The following RAVER2 variants were observed in gnomAD, a reference collection of about 807,000 sequenced individuals.
The protein encoded by RAVER2 is ribonucleoprotein, PTB binding 2, also known as ribonucleoprotein PTB-binding 2.
A neutral mutation model predicts 78.1 loss-of-function variants in RAVER2; 46 were observed. The observed-to-expected ratio is 0.59, with a 90% CI of 0.46 to 0.75. The LOEUF is 0.75. RAVER2 is among the 30% of genes least tolerant of loss of function. The pLI is 0.00. For missense variants in RAVER2, 793 were observed against 837.5 expected, an observed-to-expected ratio of 0.95 and a Z score of 0.66; for synonymous variants, 311 against 313.3, an observed-to-expected ratio of 0.99 and a Z score of 0.08.
At chr1:64,811,586 T>A (rs567120911) in intron 9 of RAVER2, among the ~76,000 whole-genome samples, 1 of 152,244 alleles carries the variant, frequency 6.6e-6, no homozygotes, top group Admixed American at 6.5e-5. Context: ...TGATGTAATT[T>A]ATGGTATTGA....
At chr1:64,825,068 G>A (rs549420204) in intron 11 of RAVER2, among the ~76,000 whole-genome samples, 5 of 151,586 alleles carry the variant, frequency 3.3e-5, no homozygotes, top group African/African-American at 1.2e-4. Context: ...ATATGAATAT[G>A]AACATTGGAA....
chr1:64,817,111 C>A (rs557392016), intron 11 of RAVER2, among the ~76,000 whole-genome samples: 3 of 152,334 alleles, frequency 2.0e-5, no homozygotes, highest in African/African-American at 7.2e-5. Flanking sequence ...ACAGACACTT[C>A]TCAAAAGAAG....
At chr1:64,790,020 A>G (rs1652891992) in intron 5 of RAVER2, among the ~76,000 whole-genome samples, 1 of 152,232 alleles carries the variant, frequency 6.6e-6, no homozygotes, top group Admixed American at 6.5e-5. Context: ...TAATATCAGT[A>G]TACATTAAAT....
At chr1:64,774,099 A>C (rs1036725979) in intron 2 of RAVER2, among the ~76,000 whole-genome samples, 1 of 152,118 alleles carries the variant, frequency 6.6e-6, no homozygotes, top group African/African-American at 2.4e-5. Context: ...AGATGGATAG[A>C]TTGCAAAAAT....
At chr1:64,794,168 T>C (rs1653026648) in intron 5 of RAVER2, among the ~76,000 whole-genome samples, 1 of 151,682 alleles carries the variant, frequency 6.6e-6, no homozygotes, top group Non-Finnish European at 1.5e-5. Flanking sequence ...CCCAGCACTT[T>C]GGGAGGTCGA....
At chr1:64,811,262 G>T (rs572274883) in intron 9 of RAVER2, among the ~76,000 whole-genome samples, 6 of 152,194 alleles carry the variant, frequency 3.9e-5, no homozygotes, top group Admixed American at 1.3e-4. Flanking sequence ...CAAGTGTTGA[G>T]AGGATCCACT....
intron 11 of RAVER2, among the ~76,000 whole-genome samples, chr1:64,822,105 A>C (rs1653903281): frequency 6.6e-6 from 1 of 152,148 alleles, no homozygotes. Flanking sequence ...GGCTAACAAC[A>C]GTGAGACCCC....
intron 11 of RAVER2, among the ~76,000 whole-genome samples, chr1:64,825,575 G>A (rs940716954): frequency 3.3e-5 from 5 of 152,206 alleles, no homozygotes; most frequent in Admixed American, 6.5e-5. Flanking sequence ...ATTCACTGTT[G>A]ACATTAACAT....
intron 11 of RAVER2, among the ~76,000 whole-genome samples, chr1:64,821,123 CATT>C (rs1351330010): frequency 2.0e-5 from 3 of 152,132 alleles, no homozygotes; most frequent in African/African-American, 7.2e-5. Flanking sequence ...GATGGTATCT[CATT>C]GTGGTTTTGA....
At chr1:64,822,269 CAG>C (rs560585112) in intron 11 of RAVER2, among the ~76,000 whole-genome samples, 91 of 152,324 alleles carry the variant, frequency 6.0e-4, no homozygotes, top group African/African-American at 2.1e-3. Flanking sequence ...GCCCAGGTGA[CAG>C]AGCGAGACTC....
chr1:64,809,252 ATT>A (rs200533243), intron 9 of RAVER2, among the ~76,000 whole-genome samples: 1,646 of 152,318 alleles, frequency 0.011, 18 homozygotes, highest in Non-Finnish European at 0.017. Context: ...ACCAAAAGCA[ATT>A]AAGCAGAGCC....
At chr1:64,746,962 G>T (rs776410740) in intron 1 of RAVER2, among the ~76,000 whole-genome samples, 1 of 152,206 alleles carries the variant, frequency 6.6e-6, no homozygotes, top group African/African-American at 2.4e-5. Flanking sequence ...TGTCTTTGTA[G>T]AATGTCAGCT....
Position 64,807,336 on chromosome 1 carries a change from G to A in RAVER2, c.1542G>A (p.Thr514=). Residue 514 remains threonine (T), a synonymous_variant, in exon 9 of 12, where the codon ACG becomes ACA. Coordinates refer to ENST00000294428, the Ensembl canonical transcript of RAVER2. Reference sequence around the variant, plus strand: ...ATACTCAGGAGAAACAGCCAGCCACGGTGGGAATGGCAGAAGGAAATTTCT... The same window carrying A: ...ATACTCAGGAGAAACAGCCAGCCACAGTGGGAATGGCAGAAGGAAATTTCT... The A allele has an allele frequency of 6.2e-6, 10 of 1,614,084 alleles. No homozygotes were observed. In the East Asian group the frequency reaches 8.9e-5, roughly 14 times the overall value.
rs566422156 is a variant in RAVER2 at position 64,781,359 on chromosome 1, T to C, written c.787-21T>C. The C allele has an allele frequency of 2.1e-5, 32 of 1,529,150 alleles. No homozygotes were observed. The African/African-American group carries it at 2.9e-4, about 14-fold the overall frequency. 94.7% of individuals were successfully genotyped at this position (1,529,150 alleles called of 1,614,324 possible). On this transcript the variant is annotated intron_variant, in intron 3 of 11. Coordinates refer to ENST00000294428, the Ensembl canonical transcript of RAVER2. ...CTAAGTAAAGATCGGAATTACTGTTTAATAGAATGTATTGTATCAGCTTGC... is the reference window on the plus strand; with the variant it reads ...CTAAGTAAAGATCGGAATTACTGTTCAATAGAATGTATTGTATCAGCTTGC...
intron 1 of RAVER2, among the ~76,000 whole-genome samples, chr1:64,764,148 A>G (rs1288356563): frequency 2.0e-5 from 3 of 152,210 alleles, no homozygotes; most frequent in African/African-American, 7.2e-5. Context: ...GTCAGATATC[A>G]ATGTTTATAA....
intron 8 of RAVER2, 69 bp downstream of exon 8, chr1:64,805,174 T>C: frequency 7.2e-7 from 1 of 1,390,076 alleles, no homozygotes; most frequent in Non-Finnish European, 1.0e-6. Flanking sequence ...AGTTTACCTA[T>C]GTTCTAATTT....
At chr1:64,774,445 A>G (rs1253766914) in intron 2 of RAVER2, among the ~76,000 whole-genome samples, 3 of 152,200 alleles carry the variant, frequency 2.0e-5, no homozygotes, top group Non-Finnish European at 4.4e-5. Context: ...TCCTTTCCCC[A>G]TCGCTTGTTT....
At chr1:64,807,271 A>G in exon 9 of RAVER2, 1 of 1,614,210 alleles carries the variant, frequency 6.2e-7, no homozygotes, top group South Asian at 1.1e-5. Flanking sequence ...ATTCTTTCCA[A>G]ATCAGCACAT....
chr1:64,800,583 C>T (rs1341874118), intron 5 of RAVER2, among the ~76,000 whole-genome samples: 1 of 152,144 alleles, frequency 6.6e-6, no homozygotes, highest in Non-Finnish European at 1.5e-5. Flanking sequence ...AATATTTTCC[C>T]TAATTTTCTA....
Sources: allele counts gnomAD v4.1 joint callset (sites outside exome capture counted in the v4.1 genomes callset), GRCh38; gene constraint gnomAD v4.1.1; transcripts MANE v1.5; gene names NCBI Gene and HGNC (gene_info 2026-07-23, HGNC 2026-07-21).